The following RBFOX1 variants were observed in gnomAD, a reference collection of about 807,000 sequenced individuals.
RBFOX1 encodes RNA binding fox-1 homolog 1, also known as RNA binding protein fox-1 homolog 1.
Under a neutral mutation model 57.7 loss-of-function variants are expected in RBFOX1, and 8 were observed. The ratio of observed to expected loss-of-function variants is 0.14; its 90% CI spans 0.08 to 0.25. The LOEUF is 0.25. Ranked by LOEUF, RBFOX1 falls within the 10% of genes least tolerant of loss-of-function variation. The probability of loss-of-function intolerance (pLI) is 1.00; values close to 1 mark genes in which losing one functional copy is unlikely to be tolerated. For missense variants in RBFOX1, 611 were observed against 548.5 expected (o/e 1.11, Z -1.14); for synonymous variants, 326 against 222.4 (o/e 1.47, Z -4.15).
chr16:5,704,840 A>G (rs573098292), intron 3 of RBFOX1, among the ~76,000 whole-genome samples: 1 of 152,244 alleles, frequency 6.6e-6, no homozygotes, highest in East Asian at 1.9e-4. Context: ...GTTGTTAGGA[A>G]CTTTTGGAAA....
chr16:7,110,737 G>T (rs994940426), intron 4 of RBFOX1, among the ~76,000 whole-genome samples: 2 of 152,108 alleles, frequency 1.3e-5, no homozygotes, highest in African/African-American at 4.8e-5. Flanking sequence ...CAAGATTTTT[G>T]AGTTTTTCTT....
intron 4 of RBFOX1, among the ~76,000 whole-genome samples, chr16:7,382,177 C>T (rs2097791467): frequency 6.6e-6 from 1 of 152,144 alleles, no homozygotes. Context: ...GCCAATATAT[C>T]ACACTTAGCC....
intron 1 of RBFOX1, among the ~76,000 whole-genome samples, chr16:6,229,534 C>A (rs144731624): frequency 6.6e-6 from 1 of 152,032 alleles, no homozygotes. Flanking sequence ...CTTTTTTGAG[C>A]CGCTCATAAA....
At chr16:5,463,165 T>G (rs899591591) in intron 1 of RBFOX1, among the ~76,000 whole-genome samples, 2 of 152,224 alleles carry the variant, frequency 1.3e-5, no homozygotes, top group African/African-American at 4.8e-5. Flanking sequence ...GGGTTGAGTT[T>G]GGAGAGTAGT....
intron 4 of RBFOX1, among the ~76,000 whole-genome samples, chr16:7,101,571 G>A (rs889394673): frequency 2.6e-5 from 4 of 152,160 alleles, no homozygotes; most frequent in South Asian, 2.1e-4. Flanking sequence ...ATTGAACAGT[G>A]GTGCTTTTGG....
chr16:6,300,595 C>G (rs1371457875), intron 1 of RBFOX1, among the ~76,000 whole-genome samples: 1 of 152,160 alleles, frequency 6.6e-6, no homozygotes, highest in East Asian at 1.9e-4. Context: ...CATGAAGCCT[C>G]CTTCATCTAG....
intron 3 of RBFOX1, among the ~76,000 whole-genome samples, chr16:5,744,185 A>G (rs971259705): frequency 6.6e-6 from 1 of 151,834 alleles, no homozygotes; most frequent in African/African-American, 2.4e-5. Context: ...CCTTCCTCTT[A>G]TCTTCCACCT....
In RBFOX1 at chr16:7,100,434, A is replaced by G. The variant is rs546034804; in HGVS notation, c.27+48336A>G. On this transcript the variant is annotated intron_variant, in intron 4 of 15. Transcript: ENST00000550418. The stretch of plus-strand genomic sequence containing the variant: ...TCCTCCTCTTTTAAAATATCAGTAT[A>G]TTTGAATTTTCATAGATACCCATTT... 4.6e-5 allele frequency among the ~76,000 whole-genome samples: 7 copies of G among 152,246 alleles called. No homozygotes were observed. The East Asian group carries it at 1.4e-3, about 29-fold the overall frequency.
At chr16:7,172,467 C>T (rs1407102531) in intron 4 of RBFOX1, among the ~76,000 whole-genome samples, 6 of 152,178 alleles carry the variant, frequency 3.9e-5, no homozygotes, top group African/African-American at 1.2e-4. Flanking sequence ...CTCCCACAAC[C>T]ACCCTTTGAT....
chr16:5,804,910 T>A (rs1346034759), intron 3 of RBFOX1, among the ~76,000 whole-genome samples: 5 of 152,172 alleles, frequency 3.3e-5, no homozygotes, highest in African/African-American at 9.7e-5. Flanking sequence ...TCTTGAGAAA[T>A]GTTTTTGCCA....
chr16:7,187,153 A>T (rs1488001961), intron 4 of RBFOX1, among the ~76,000 whole-genome samples: 3 of 152,018 alleles, frequency 2.0e-5, no homozygotes, highest in Admixed American at 1.3e-4. Context: ...TGGGCGATGG[A>T]GTGATACTCT....
At chr16:7,356,657 G>A (rs2097219356) in intron 4 of RBFOX1, among the ~76,000 whole-genome samples, 1 of 152,218 alleles carries the variant, frequency 6.6e-6, no homozygotes, top group Non-Finnish European at 1.5e-5. Context: ...TATTCGGTAA[G>A]CTTTACGTTA....
At chr16:7,210,775 T>C (rs930731167) in intron 4 of RBFOX1, among the ~76,000 whole-genome samples, 2 of 152,038 alleles carry the variant, frequency 1.3e-5, no homozygotes, top group African/African-American at 4.8e-5. Flanking sequence ...ATGTCCAAGG[T>C]CACACAGGGC....
chr16:7,090,496 T>C (rs760400978), intron 4 of RBFOX1, among the ~76,000 whole-genome samples: 2 of 152,202 alleles, frequency 1.3e-5, no homozygotes, highest in African/African-American at 2.4e-5. Flanking sequence ...AAAAATAGTG[T>C]GGCCCCATTA....
At chr16:7,163,222 C>A (rs1185280643) in intron 4 of RBFOX1, among the ~76,000 whole-genome samples, 1 of 152,046 alleles carries the variant, frequency 6.6e-6, no homozygotes, top group East Asian at 1.9e-4. Context: ...CAGGGGGAGT[C>A]TACTGGCCAA....
chr16:6,940,517 T>C (rs2078193323), intron 3 of RBFOX1, among the ~76,000 whole-genome samples: 1 of 152,172 alleles, frequency 6.6e-6, no homozygotes, highest in Non-Finnish European at 1.5e-5. Context: ...TAATTCTCTA[T>C]ACTTTGAATG....
intron 4 of RBFOX1, among the ~76,000 whole-genome samples, chr16:7,056,425 A>T (rs2052292247): frequency 6.6e-6 from 1 of 152,188 alleles, no homozygotes; most frequent in Non-Finnish European, 1.5e-5. Context: ...GAATCTGTGC[A>T]TTAACCACTC....
intron 4 of RBFOX1, among the ~76,000 whole-genome samples, chr16:7,362,290 T>C (rs1265842008): frequency 9.0e-6 from 1 of 110,542 alleles, no homozygotes; most frequent in Non-Finnish European, 1.8e-5. Flanking sequence ...TTAGTATGTG[T>C]ATGTTTTTCG....
chr16:6,557,064 C>CATACATAT (rs1191007412), intron 2 of RBFOX1, among the ~76,000 whole-genome samples: 1 of 141,224 alleles, frequency 7.1e-6, no homozygotes, highest in African/African-American at 2.6e-5. Context: ...TACATATATA[C>CATACATAT]ATACATATAT....
Sources: gnomAD v4.1 joint callset for allele counts (sites outside exome capture counted in the v4.1 genomes callset) on GRCh38, gnomAD v4.1.1 for gene constraint, MANE v1.5 for transcripts, NCBI Gene and HGNC (gene_info 2026-07-23, HGNC 2026-07-21) for gene names.